The following ZNF346 variants were observed in gnomAD, a reference collection of about 807,000 sequenced individuals.
ZNF346 encodes zinc finger protein 346.
Under a neutral mutation model 33.7 loss-of-function variants are expected in ZNF346, and 23 were observed. The observed-to-expected ratio is 0.68, with a 90% confidence interval of 0.49 to 0.97. The LOEUF is 0.97. ZNF346 is among the 50% of genes least tolerant of loss of function. ZNF346 has a pLI of 0.00. For missense variants in ZNF346, 340 were observed against 371.1 expected, an observed-to-expected ratio of 0.92 and a Z score of 0.69; for synonymous variants, 134 against 142.4, an observed-to-expected ratio of 0.94 and a Z score of 0.42.
intron 5 of ZNF346, among the ~76,000 whole-genome samples, chr5:177,056,750 C>T (rs1273587076): frequency 7.0e-6 from 1 of 143,648 alleles, no homozygotes; most frequent in East Asian, 2.0e-4. Context: ...GAACATCACA[C>T]ACCCAGGCCT....
chr5:177,071,991 T>C (rs917255694), downstream of ZNF346, among the ~76,000 whole-genome samples: 1 of 152,208 alleles, frequency 6.6e-6, no homozygotes, highest in Non-Finnish European at 1.5e-5. Flanking sequence ...TGTTCAACTC[T>C]TCAGTGCAAT....
At chr5:177,023,022 C>T (rs1776063645) in intron 1 of ZNF346, 109 bp downstream of exon 1, 18 of 1,429,260 alleles carry the variant, frequency 1.3e-5, no homozygotes, top group Non-Finnish European at 1.6e-5. Flanking sequence ...TTGCGTGCTG[C>T]GCCCCGGGAC....
At chr5:177,069,258 A>T (rs1581980088), downstream of ZNF346, among the ~76,000 whole-genome samples, 1 of 118,628 alleles carries the variant, frequency 8.4e-6, no homozygotes, top group Non-Finnish European at 1.6e-5. Flanking sequence ...GGAGTTCCAG[A>T]CCAGCCTAGC....
chr5:177,068,146 T>C (rs530956460), downstream of ZNF346, among the ~76,000 whole-genome samples: 17 of 143,722 alleles, frequency 1.2e-4, no homozygotes, highest in East Asian at 3.3e-3. Context: ...ACCCATCTCC[T>C]GTCAGTGCCA....
chr5:177,045,286 A>G (rs1444470827), intron 4 of ZNF346, among the ~76,000 whole-genome samples: 5 of 152,174 alleles, frequency 3.3e-5, no homozygotes, highest in Non-Finnish European at 7.3e-5. Flanking sequence ...TATTAGTAAT[A>G]CTATTATCCT....
chr5:177,026,512 A>C (rs1452669675), intron 1 of ZNF346, among the ~76,000 whole-genome samples: 1 of 151,474 alleles, frequency 6.6e-6, no homozygotes, highest in Non-Finnish European at 1.5e-5. Flanking sequence ...GGAGGGTGCT[A>C]CCACACCCAG....
intron 5 of ZNF346, among the ~76,000 whole-genome samples, chr5:177,060,954 C>G (rs1782435554): frequency 6.6e-6 from 1 of 151,150 alleles, no homozygotes; most frequent in Admixed American, 6.6e-5. Flanking sequence ...ACTAAAAATA[C>G]AAAAAAAATT....
rs1783813128 is a variant in ZNF346 at position 177,077,572 on chromosome 5, T to C, written c.*3-1810T>C. ...CTCAGAGAGTTGGTTTCCTATTCAT[T>C]CCAATAAAAGACCTAGACTGGCTCC... On this transcript the variant is annotated intron_variant, in intron 8 of 8. Transcript: ENST00000503039. This position sits in a 1 kb window ranked among gnomAD's most constrained non-coding sequence, Gnocchi z 5.0. Among the ~76,000 whole-genome samples, 1 of 152,090 alleles carries C rather than the reference T, an allele frequency of 6.6e-6. No individual in the cohort carries two copies. The highest frequency in any genetic ancestry group is 6.6e-5 in the Admixed American group (1 of 15,260).
rs1158355981 is a variant in ZNF346, at chr5:177,065,589, G to A, written c.*990G>A. 6.5e-6 allele frequency: 1 copy of A among 152,672 alleles called. No homozygotes were observed. The highest frequency in any genetic ancestry group is 1.5e-5 in the Non-Finnish European group (1 of 68,060). The allele number at this position is 152,672 out of a possible 1,614,324, so 9.5% of individuals were successfully genotyped here. A position where few individuals can be genotyped will look rare whatever the true frequency, so the allele number is the denominator to read the frequency against. On this transcript the variant is annotated 3_prime_UTR_variant, in exon 7 of 7. Transcript: ENST00000358149. ...TCTGGGTCCCAGGGAAAGAAAGAGAGAGCTGATGCAGGTTTCTACAGTGAG... is the reference window on the plus strand; with the variant it reads ...TCTGGGTCCCAGGGAAAGAAAGAGAAAGCTGATGCAGGTTTCTACAGTGAG...
chr5:177,050,723 A>C, intron 4 of ZNF346, 28 bp from the exon 5 acceptor site: 1 of 1,614,138 alleles, frequency 6.2e-7, no homozygotes, highest in Non-Finnish European at 8.5e-7. Flanking sequence ...ACGCCTTACA[A>C]ATCCTTTCCT....
chr5:177,027,382 G>T (rs968010514), intron 1 of ZNF346, among the ~76,000 whole-genome samples: 1 of 152,004 alleles, frequency 6.6e-6, no homozygotes, highest in Non-Finnish European at 1.5e-5. Flanking sequence ...CCTGGGCAAC[G>T]TGGAGAAACC....
At chr5:177,069,776 C>G (rs745600155), downstream of ZNF346, among the ~76,000 whole-genome samples, 7 of 152,220 alleles carry the variant, frequency 4.6e-5, no homozygotes, top group Admixed American at 1.3e-4. Context: ...ATCCTCCCGC[C>G]TCAGCCTCCC....
At chr5:177,076,245 G>A (rs1783739551) in intron 8 of ZNF346, among the ~76,000 whole-genome samples, 1 of 152,198 alleles carries the variant, frequency 6.6e-6, no homozygotes. Flanking sequence ...ACCAGCTAAC[G>A]TGTTGTGGGA....
chr5:177,062,251 G>A (rs1375687508), intron 6 of ZNF346, 100 bp downstream of exon 6: 12 of 956,758 alleles, frequency 1.3e-5, no homozygotes, highest in Non-Finnish European at 2.0e-5. Flanking sequence ...TGGAATCCTG[G>A]CAGTCTTTTT....
In ZNF346 at chr5:177,064,879, A is replaced by G. The variant is rs904243690; in HGVS notation, c.*280A>G. 3.6e-5 allele frequency: 15 copies of G among 416,764 alleles called. No individual in the cohort carries two copies. The highest frequency in any genetic ancestry group is 7.1e-5 in the South Asian group (2 of 28,112). The allele number at this position is 416,764 out of a possible 1,614,324, so 25.8% of individuals were successfully genotyped here. A position where few individuals can be genotyped will look rare whatever the true frequency, so the allele number is the denominator to read the frequency against. ...GGAGGGTGGCTTTCCCCATTTCCCAACCCCTCTGGGCCTTAGGTGCTGAGG... is the reference window on the plus strand; with the variant it reads ...GGAGGGTGGCTTTCCCCATTTCCCAGCCCCTCTGGGCCTTAGGTGCTGAGG... On this transcript the variant is annotated 3_prime_UTR_variant, in exon 7 of 7. Coordinates refer to ENST00000358149, the MANE Select transcript of ZNF346 (RefSeq NM_012279.4).
intron 1 of ZNF346, among the ~76,000 whole-genome samples, chr5:177,035,553 C>T (rs968770554): frequency 1.3e-5 from 2 of 151,230 alleles, no homozygotes; most frequent in East Asian, 1.9e-4. Flanking sequence ...CTCCGCCTCC[C>T]GGGTTCAAGC....
At chr5:177,057,218 C>T (rs944136207) in intron 5 of ZNF346, among the ~76,000 whole-genome samples, 2 of 151,770 alleles carry the variant, frequency 1.3e-5, no homozygotes, top group African/African-American at 4.8e-5. Context: ...CACTTGAACC[C>T]GGGAGGCGGC....
downstream of ZNF346, among the ~76,000 whole-genome samples, chr5:177,072,035 T>C (rs1783533457): frequency 6.6e-6 from 1 of 152,196 alleles, no homozygotes; most frequent in African/African-American, 2.4e-5. Context: ...GTCAGCTTCT[T>C]TTTTCTAGCA....
chr5:177,026,849 T>C (rs557231427), intron 1 of ZNF346, among the ~76,000 whole-genome samples: 20 of 152,302 alleles, frequency 1.3e-4, no homozygotes, highest in East Asian at 9.6e-4. Flanking sequence ...TGGTTAGTGA[T>C]TGGCTGTACA....
Sources: allele counts gnomAD v4.1 joint callset (sites outside exome capture counted in the v4.1 genomes callset), GRCh38; gene constraint gnomAD v4.1.1; non-coding constraint Gnocchi (gnomAD v3.1); transcripts MANE v1.5; gene names NCBI Gene and HGNC (gene_info 2026-07-23, HGNC 2026-07-21).